Variants in IL10RB observed in about 807,000 individuals in gnomAD.
IL10RB encodes the protein interleukin-10 receptor subunit beta.
In IL10RB, 30 loss-of-function variants were observed where a neutral mutation model predicts 38.7. The observed-to-expected ratio is 0.78, with a 90% CI of 0.58 to 1.05. The LOEUF (loss-of-function observed/expected upper bound fraction) is 1.05. Ranked by LOEUF, IL10RB falls within the 50% of genes least tolerant of loss-of-function variation. The pLI, the probability that IL10RB is intolerant of heterozygous loss-of-function variation, is 0.00. For synonymous variants in IL10RB, 142 were observed against 145.9 expected (o/e 0.97, Z 0.19); for missense variants, 328 against 397.1 (o/e 0.83, Z 1.48).
intron 1 of IL10RB, among the ~76,000 whole-genome samples, chr21:33,267,510 G>GTTTTTTTT (rs1292416988): frequency 3.8e-4 from 28 of 73,988 alleles, no homozygotes; most frequent in Non-Finnish European, 4.6e-4. Context: ...TTGTTTTTTT[G>GTTTTTTTT]TTTTTTTGTT....
chr21:33,295,732 AT>A (rs912912104), intron 6 of IL10RB, among the ~76,000 whole-genome samples: 15 of 151,642 alleles, frequency 9.9e-5, no homozygotes, highest in African/African-American at 3.1e-4. Context: ...TTGTAAAAAA[AT>A]AAAATAAAAA....
chr21:33,282,396 T>C (rs2123583004), intron 4 of IL10RB, among the ~76,000 whole-genome samples: 1 of 151,818 alleles, frequency 6.6e-6, no homozygotes, highest in East Asian at 1.9e-4. Flanking sequence ...ATTAGCTGAG[T>C]GTGGTAGTGT....
At chr21:33,302,632 G>C (rs2082988698) in intron 1 of IL10RB, among the ~76,000 whole-genome samples, 1 of 152,236 alleles carries the variant, frequency 6.6e-6, no homozygotes, top group Non-Finnish European at 1.5e-5. Context: ...TCATGGTATT[G>C]AGGAGTGAAC....
At chr21:33,276,059 G>T (rs1487871699) in intron 2 of IL10RB, among the ~76,000 whole-genome samples, 1 of 152,222 alleles carries the variant, frequency 6.6e-6, no homozygotes, top group Non-Finnish European at 1.5e-5. Flanking sequence ...CAATAGACTT[G>T]CTCAATGCAG....
chr21:33,284,926 C>T (rs1371835556), intron 5 of IL10RB, among the ~76,000 whole-genome samples: 1 of 152,194 alleles, frequency 6.6e-6, no homozygotes, highest in African/African-American at 2.4e-5. Context: ...GATGGAGTCT[C>T]ACTCTGTTGC....
chr21:33,276,511 C>CA, intron 2 of IL10RB, 85 bp from the exon 3 acceptor site: 1 of 1,065,738 alleles, frequency 9.4e-7, no homozygotes, highest in Non-Finnish European at 1.5e-6. Flanking sequence ...CCCGCGCCGC[C>CA]CCCCCCTCCA....
intron 5 of IL10RB, 151 bp from the exon 6 acceptor site, chr21:33,287,953 T>A (rs1035244460): frequency 5.6e-5 from 44 of 791,492 alleles, no homozygotes; most frequent in Admixed American, 1.6e-4. Context: ...TTCAAAAACC[T>A]CTGGGTCCTC....
At chr21:33,266,615 C>A in intron 1 of IL10RB, 101 bp downstream of exon 1, 1 of 1,180,752 alleles carries the variant, frequency 8.5e-7, no homozygotes, top group Non-Finnish European at 1.2e-6. Flanking sequence ...GACTTAAGAG[C>A]CTTCGGGGCC....
chr21:33,282,926 A>T (rs1185147486), intron 4 of IL10RB, among the ~76,000 whole-genome samples, 168 bp from the exon 5 acceptor site: 1 of 152,074 alleles, frequency 6.6e-6, no homozygotes, highest in Non-Finnish European at 1.5e-5. Context: ...TCAGTCCTTG[A>T]TGCACCCCCT....
At chr21:33,293,816 A>C (rs1989536224) in intron 6 of IL10RB, among the ~76,000 whole-genome samples, 1 of 152,120 alleles carries the variant, frequency 6.6e-6, no homozygotes, top group Non-Finnish European at 1.5e-5. Context: ...CAAAAAAAAA[A>C]AAAAAGTACC....
chr21:33,268,347 C>T, intron 1 of IL10RB, 47 bp from the exon 2 acceptor site: 1 of 1,613,392 alleles, frequency 6.2e-7, no homozygotes, highest in South Asian at 1.1e-5. Flanking sequence ...TCATGGGCAT[C>T]TGTTTTGAGG....
intron 1 of IL10RB, among the ~76,000 whole-genome samples, chr21:33,302,384 A>T (rs1382230740): frequency 6.6e-6 from 1 of 152,220 alleles, no homozygotes; most frequent in African/African-American, 2.4e-5. Context: ...CGGGAGTGCC[A>T]AGGCTGGGCC....
intron 1 of IL10RB, among the ~76,000 whole-genome samples, 163 bp downstream of exon 1, chr21:33,266,677 T>G (rs1344399484): frequency 1.3e-5 from 2 of 152,316 alleles, no homozygotes; most frequent in East Asian, 1.9e-4. Context: ...GCAACTAGGC[T>G]GCTGCTGCCG....
chr21:33,266,534 G>A lies in IL10RB; in HGVS notation c.49+20G>A. The A allele has an allele frequency of 1.3e-6, 2 of 1,540,814 alleles. No individual in the cohort carries two copies. The highest frequency in any genetic ancestry group is 1.7e-6 in the Non-Finnish European group (2 of 1,146,660). On this transcript the variant is annotated intron_variant, in intron 1 of 6. Transcript: ENST00000290200. ...TGTCAGGTGAGGGGTCCGCGGGGAG[G>A]GGGCGCGCTTGGGAACCGGGAGGCC...
chr21:33,293,419 C>T (rs373950432), intron 6 of IL10RB, among the ~76,000 whole-genome samples: 2 of 152,200 alleles, frequency 1.3e-5, no homozygotes, highest in East Asian at 3.8e-4. Context: ...GGGGAACAAG[C>T]GCCTCCTCCA....
At chr21:33,274,529 A>G (rs1989136538) in intron 2 of IL10RB, among the ~76,000 whole-genome samples, 1 of 152,206 alleles carries the variant, frequency 6.6e-6, no homozygotes, top group South Asian at 2.1e-4. Flanking sequence ...TCCTTGACCC[A>G]TGGGCTACAG....
intron 2 of IL10RB, among the ~76,000 whole-genome samples, chr21:33,270,600 T>G (rs374999545): frequency 5.3e-5 from 8 of 151,898 alleles, no homozygotes; most frequent in African/African-American, 1.9e-4. Flanking sequence ...GGTCTTGATC[T>G]CCTGACCTCG....
At chr21:33,298,519 C>T (rs1568914039), downstream of IL10RB, among the ~76,000 whole-genome samples, 1 of 152,142 alleles carries the variant, frequency 6.6e-6, no homozygotes, top group Non-Finnish European at 1.5e-5. Context: ...GAAGCTGAGA[C>T]AGGAGAATCA....
At chr21:33,284,480 GTT>G (rs1288387285) in intron 5 of IL10RB, among the ~76,000 whole-genome samples, 1 of 152,110 alleles carries the variant, frequency 6.6e-6, no homozygotes, top group Non-Finnish European at 1.5e-5. Context: ...AATCCCACAA[GTT>G]TTCAATGAGA....
Sources: allele counts gnomAD v4.1 joint callset (sites outside exome capture counted in the v4.1 genomes callset), GRCh38; gene constraint gnomAD v4.1.1; transcripts MANE v1.5; gene names NCBI Gene and HGNC (gene_info 2026-07-23, HGNC 2026-07-21).